TPD52: variants seen among roughly 807,000 people sequenced by gnomAD.
The protein encoded by TPD52 is tumor protein D52.
Under a neutral mutation model 31.3 loss-of-function variants are expected in TPD52, and 17 were observed. That is an observed-to-expected ratio of 0.54 (90% confidence interval 0.37 to 0.82). The LOEUF (loss-of-function observed/expected upper bound fraction) is 0.82. TPD52 is among the 40% of genes least tolerant of loss of function. The pLI, the probability that TPD52 is intolerant of heterozygous loss-of-function variation, is 0.00. For missense variants in TPD52, 212 were observed against 240.1 expected (o/e 0.88, Z 0.77); for synonymous variants, 83 against 89.6 (o/e 0.93, Z 0.42).
chr8:80,102,484 T>C (rs6473199), intron 1 of TPD52, among the ~76,000 whole-genome samples: 100,667 of 152,092 alleles, frequency 0.66, 34,560 homozygotes, highest in African/African-American at 0.86. Flanking sequence ...CCTGGTAACA[T>C]GTGGGAGGCA....
intron 1 of TPD52, among the ~76,000 whole-genome samples, chr8:80,160,583 T>C (rs1229978472): frequency 6.6e-6 from 1 of 152,148 alleles, no homozygotes; most frequent in Non-Finnish European, 1.5e-5. Context: ...AGGCAAAATG[T>C]TTGCATTTTT....
intron 1 of TPD52, among the ~76,000 whole-genome samples, chr8:80,161,671 G>T (rs1811366861): frequency 6.6e-6 from 1 of 150,662 alleles, no homozygotes; most frequent in African/African-American, 2.4e-5. Context: ...ATTTCATCCT[G>T]TTAATAAGTT....
At chr8:80,131,340 T>C (rs191287965) in intron 1 of TPD52, among the ~76,000 whole-genome samples, 1 of 152,378 alleles carries the variant, frequency 6.6e-6, no homozygotes, top group Admixed American at 6.5e-5. Flanking sequence ...ATCTGCTTTA[T>C]TAATCACTGT....
At position 80,063,282 on chromosome 8, in the gene TPD52, G is replaced by T. The variant is rs79219473; in HGVS notation, c.135+1196C>A. ...TCAACCTCAAAAACATGAAGGGAAA[G>T]AACCCAAATACATAAGGTTACATAT... On this transcript the variant is annotated intron_variant, in intron 2 of 7. Coordinates refer to ENST00000518937, the MANE Select transcript of TPD52 (RefSeq NM_001025253.3). Among the ~76,000 whole-genome samples, 1,129 of 152,298 alleles carry T rather than the reference G, an allele frequency of 7.4e-3. 12 individuals are homozygous for T. Among genetic ancestry groups the T allele is most frequent in the African/African-American group, 0.024 (1,005 of 41,566 alleles).
intron 1 of TPD52, among the ~76,000 whole-genome samples, chr8:80,127,989 C>T (rs779535059): frequency 7.0e-6 from 1 of 143,300 alleles, no homozygotes; most frequent in Non-Finnish European, 1.5e-5. Context: ...GTTTGTATTT[C>T]TGTTTTGTTT....
intron 5 of TPD52, among the ~76,000 whole-genome samples, chr8:80,047,643 G>A (rs1481013286): frequency 6.6e-6 from 1 of 152,158 alleles, no homozygotes; most frequent in Non-Finnish European, 1.5e-5. Flanking sequence ...GGGAATATGG[G>A]CATGAAACAG....
downstream of TPD52, among the ~76,000 whole-genome samples, chr8:80,031,345 A>G (rs2130277846): frequency 6.6e-6 from 1 of 152,378 alleles, no homozygotes; most frequent in Non-Finnish European, 1.5e-5. Flanking sequence ...CAATTGTATG[A>G]ATCACATAAA....
intron 7 of TPD52, among the ~76,000 whole-genome samples, chr8:80,039,417 A>C (rs1365294509): frequency 1.3e-5 from 2 of 150,872 alleles, no homozygotes; most frequent in African/African-American, 4.9e-5. Context: ...ACATCCAATC[A>C]ATCTTTTTTT....
intron 1 of TPD52, among the ~76,000 whole-genome samples, chr8:80,074,331 G>A (rs1351409360): frequency 6.6e-6 from 1 of 152,196 alleles, no homozygotes; most frequent in Admixed American, 6.5e-5. Flanking sequence ...ATCACAGGAT[G>A]TTTTTTCCCC....
At chr8:80,050,337 A>G in intron 5 of TPD52, 108 bp downstream of exon 5, 2 of 1,120,108 alleles carry the variant, frequency 1.8e-6, no homozygotes, top group Non-Finnish European at 2.5e-6. Context: ...ACGCAAGAAA[A>G]TTATGTACTG....
At chr8:80,167,697 G>GC (rs1184464313) in intron 1 of TPD52, among the ~76,000 whole-genome samples, 2 of 152,012 alleles carry the variant, frequency 1.3e-5, no homozygotes, top group African/African-American at 4.8e-5. Flanking sequence ...TATTTCTAAG[G>GC]CACAATTACA....
intron 1 of TPD52, among the ~76,000 whole-genome samples, chr8:80,157,648 T>C (rs1031928526): frequency 6.6e-6 from 1 of 152,326 alleles, no homozygotes; most frequent in East Asian, 1.9e-4. Flanking sequence ...AAGCTTCAGG[T>C]TGGCCCTTAG....
At chr8:80,121,056 T>A (rs1808226091) in intron 1 of TPD52, among the ~76,000 whole-genome samples, 1 of 149,378 alleles carries the variant, frequency 6.7e-6, no homozygotes, top group African/African-American at 2.5e-5. Flanking sequence ...CACTCCAGCC[T>A]GGGCGACAGA....
chr8:80,068,254 G>A (rs745748067), intron 1 of TPD52, among the ~76,000 whole-genome samples: 10 of 151,840 alleles, frequency 6.6e-5, no homozygotes, highest in Admixed American at 2.6e-4. Context: ...AGGAAACTGC[G>A]GTCCTCTAAG....
chr8:80,048,152 C>A (rs1029176684), intron 5 of TPD52, among the ~76,000 whole-genome samples: 1 of 152,218 alleles, frequency 6.6e-6, no homozygotes, highest in Admixed American at 6.5e-5. Context: ...CTCATGACCA[C>A]GTCCTCCTTG....
chr8:80,072,400 T>A (rs528706352), intron 1 of TPD52, among the ~76,000 whole-genome samples: 3 of 145,598 alleles, frequency 2.1e-5, no homozygotes, highest in Non-Finnish European at 4.5e-5. Context: ...CATGTACACA[T>A]AGATATGCGT....
intron 1 of TPD52, among the ~76,000 whole-genome samples, chr8:80,143,122 C>G (rs929801258): frequency 1.3e-5 from 2 of 152,180 alleles, no homozygotes; most frequent in African/African-American, 4.8e-5. Context: ...CATGGACTCT[C>G]ACATCTCCCA....
chr8:80,128,530 C>T (rs1189113579), intron 1 of TPD52, among the ~76,000 whole-genome samples: 1 of 144,580 alleles, frequency 6.9e-6, no homozygotes, highest in East Asian at 2.0e-4. Context: ...CATGGTGGTA[C>T]ACACCCATAC....
intron 1 of TPD52, among the ~76,000 whole-genome samples, chr8:80,166,358 T>A (rs1056417569): frequency 2.0e-5 from 3 of 151,788 alleles, no homozygotes; most frequent in Admixed American, 2.0e-4. Flanking sequence ...TCAGCTTCCC[T>A]AGTAGCTGGG....
Sources: allele counts gnomAD v4.1 joint callset (sites outside exome capture counted in the v4.1 genomes callset), GRCh38; gene constraint gnomAD v4.1.1; transcripts MANE v1.5; gene names NCBI Gene and HGNC (gene_info 2026-07-23, HGNC 2026-07-21).